The following PPP4R3A variants were observed in gnomAD, a reference collection of about 807,000 sequenced individuals.
PPP4R3A encodes serine/threonine-protein phosphatase 4 regulatory subunit 3A.
PPP4R3A carries 15 observed loss-of-function variants against 91.7 expected under a neutral mutation model. The observed-to-expected ratio is 0.16, with a 90% CI of 0.11 to 0.25. The LOEUF (loss-of-function observed/expected upper bound fraction) is 0.25, where lower values mean the gene tolerates loss of function less well. PPP4R3A is among the 10% of genes least tolerant of loss of function. The pLI is 1.00. For missense variants in PPP4R3A, 623 were observed against 998.4 expected (o/e 0.62, Z 5.07); for synonymous variants, 377 against 348.7 (o/e 1.08, Z -0.91).
rs535877362 is a variant in PPP4R3A at position 91,461,494 on chromosome 14, A to C, written c.2278T>G (p.Ser760Ala). The change falls in exon 14 of 15, where the codon TCA (serine) becomes GCA (alanine). Residue 760 changes from serine to alanine, a missense_variant. Coordinates refer to ENST00000554943, the MANE Select transcript of PPP4R3A (RefSeq NM_001366432.2). ...SGTKTNLTSQ[S>A]STTNLPGSPG... is the part of the protein sequence containing the mutation. The stretch of plus-strand genomic sequence containing the variant: ...GAACCAGGCAGATTTGTTGTAGATG[A>C]CTGGCTGGTGAGGTTAGTCTTCGTT... 1,579 of 1,614,142 alleles carry C rather than the reference A, an allele frequency of 9.8e-4. 28 individuals are homozygous for C. The South Asian group carries it at 0.017, about 17-fold the overall frequency.
chr14:91,505,097 A>G (rs977824266), intron 1 of PPP4R3A, among the ~76,000 whole-genome samples: 14 of 152,156 alleles, frequency 9.2e-5, no homozygotes, highest in African/African-American at 3.4e-4. Context: ...CCCAACTCAT[A>G]CCATCTTAAT....
chr14:91,474,317 C>G (rs889239968), intron 7 of PPP4R3A, among the ~76,000 whole-genome samples: 2 of 152,008 alleles, frequency 1.3e-5, no homozygotes, highest in Admixed American at 1.3e-4. Flanking sequence ...TATTCCTCAC[C>G]TAAGTAGTAA....
chr14:91,458,675 T>G lies in PPP4R3A; in HGVS notation c.*84A>C, dbSNP rs1288171015. On this transcript the variant is annotated 3_prime_UTR_variant, in exon 15 of 15. Coordinates refer to ENST00000554943, the MANE Select transcript of PPP4R3A (RefSeq NM_001366432.2). ...GTGTCAGTCATTCACAAGAGACCAC[T>G]GCGCTTTGTTGTGGATTTTGTATGG... 6.3e-7 allele frequency: 1 copy of G among 1,594,112 alleles called. No homozygotes were observed. Among genetic ancestry groups the G allele is most frequent in the Admixed American group, 1.7e-5 (1 of 59,958 alleles).
intron 10 of PPP4R3A, 91 bp from the exon 11 acceptor site, chr14:91,465,510 A>C (rs1011770630): frequency 3.6e-5 from 39 of 1,091,172 alleles, no homozygotes; most frequent in Non-Finnish European, 4.8e-5. Flanking sequence ...ACCAAAAAAA[A>C]CTGTTTAACA....
intron 3 of PPP4R3A, among the ~76,000 whole-genome samples, chr14:91,484,848 G>C (rs1889788462): frequency 6.6e-6 from 1 of 152,176 alleles, no homozygotes; most frequent in Non-Finnish European, 1.5e-5. Context: ...GGCCTAAGAA[G>C]TGTATAACAA....
At chr14:91,494,941 T>A (rs1890449311) in intron 1 of PPP4R3A, among the ~76,000 whole-genome samples, 2 of 152,056 alleles carry the variant, frequency 1.3e-5, no homozygotes, top group African/African-American at 2.4e-5. Flanking sequence ...GACAAGACAA[T>A]AACAAGCGGT....
chr14:91,487,674 A>G (rs903078223), intron 2 of PPP4R3A, among the ~76,000 whole-genome samples: 2 of 152,070 alleles, frequency 1.3e-5, no homozygotes, highest in Non-Finnish European at 2.9e-5. Context: ...ATTCTATTGC[A>G]GCAGTTTCTA....
chr14:91,472,416 T>C (rs1888902558), intron 9 of PPP4R3A, among the ~76,000 whole-genome samples: 1 of 151,806 alleles, frequency 6.6e-6, no homozygotes, highest in Non-Finnish European at 1.5e-5. Flanking sequence ...TTATTTCTTT[T>C]ACATGTTTCT....
At chr14:91,493,033 T>C (rs1437374705) in intron 1 of PPP4R3A, among the ~76,000 whole-genome samples, 2 of 151,450 alleles carry the variant, frequency 1.3e-5, no homozygotes, top group African/African-American at 4.9e-5. Flanking sequence ...TGAGAACAAT[T>C]TGGCCAATAA....
intron 4 of PPP4R3A, among the ~76,000 whole-genome samples, chr14:91,477,731 C>T (rs1889295785): frequency 2.0e-5 from 3 of 152,186 alleles, no homozygotes; most frequent in Non-Finnish European, 1.5e-5. Flanking sequence ...TCACTGCAAC[C>T]TCCGCCTCCC....
intron 1 of PPP4R3A, among the ~76,000 whole-genome samples, chr14:91,491,277 C>T (rs775622961): frequency 7.9e-5 from 12 of 151,984 alleles, no homozygotes; most frequent in Admixed American, 3.9e-4. Context: ...CCAGGCTGGT[C>T]TCCAACTCCT....
chr14:91,503,984 T>C (rs1456169367), intron 1 of PPP4R3A, among the ~76,000 whole-genome samples: 1 of 152,038 alleles, frequency 6.6e-6, no homozygotes, highest in Non-Finnish European at 1.5e-5. Context: ...TCCCAGCACT[T>C]TAGGCGGCCA....
rs373184536 is a variant in PPP4R3A, at chr14:91,507,483, A to AGTG, written c.142+2022_142+2023insCAC. ...TACTATAATTATATATACTATAGTT[A>AGTG]TATATACTATATAGAATATATGCTA... On this transcript the variant is annotated intron_variant, in intron 1 of 14. Transcript: ENST00000554943. Among the ~76,000 whole-genome samples, 7 of 122,760 alleles carry AGTG rather than the reference A, an allele frequency of 5.7e-5. 2 individuals carry two copies. In the East Asian group the frequency reaches 2.1e-3, roughly 37 times the overall value. 80.5% of individuals were successfully genotyped at this position (122,760 alleles called of 152,430 possible).
At chr14:91,478,106 T>G (rs1889319555) in intron 4 of PPP4R3A, among the ~76,000 whole-genome samples, 1 of 152,204 alleles carries the variant, frequency 6.6e-6, no homozygotes, top group Admixed American at 6.5e-5. Flanking sequence ...CAGAAAAATC[T>G]TCTGTGGCAC....
chr14:91,490,824 T>G, intron 1 of PPP4R3A, 22 bp from the exon 2 acceptor site: 1 of 1,575,950 alleles, frequency 6.3e-7, no homozygotes, highest in Middle Eastern at 2.0e-4. Flanking sequence ...AAAAAGACAT[T>G]CCATTATGTT....
intron 1 of PPP4R3A, among the ~76,000 whole-genome samples, chr14:91,495,354 G>A (rs112659517): frequency 5.5e-4 from 51 of 92,870 alleles, no homozygotes; most frequent in African/African-American, 1.9e-3. Flanking sequence ...TCTCTCTGTC[G>A]CCCAGGCTGG....
In PPP4R3A at chr14:91,485,632, C is replaced by T; in HGVS notation, c.297G>A (p.Gln99=). Residue 99 remains glutamine (Q), a splice_region_variant and synonymous_variant, in exon 3 of 15, where the codon CAG becomes CAA. Transcript: ENST00000554943. ...TTGATTTTTTTATTTAAAAAATTAC[C>T]TGACATATTTTCTCCCAAATTTCAT... ...GCDEIWEKIC[Q]VQGKDPSVDI... 6.3e-7 allele frequency: 1 copy of T among 1,597,068 alleles called. No individual in the cohort carries two copies.
intron 1 of PPP4R3A, among the ~76,000 whole-genome samples, chr14:91,508,938 G>T (rs957377743): frequency 6.6e-6 from 1 of 152,206 alleles, no homozygotes; most frequent in African/African-American, 2.4e-5. Flanking sequence ...GAAAATCTTC[G>T]CAAGGGAAAG....
intron 1 of PPP4R3A, among the ~76,000 whole-genome samples, chr14:91,494,277 A>C: frequency 6.6e-6 from 1 of 152,228 alleles, no homozygotes; most frequent in Non-Finnish European, 1.5e-5. Context: ...TTAAAACTGC[A>C]CAAAAGTACA....
Sources: allele counts gnomAD v4.1 joint callset (sites outside exome capture counted in the v4.1 genomes callset), GRCh38; gene constraint gnomAD v4.1.1; transcripts MANE v1.5; gene names NCBI Gene and HGNC (gene_info 2026-07-23, HGNC 2026-07-21).